The following NRXN3 variants were observed in gnomAD, a reference collection of about 807,000 sequenced individuals.
The protein encoded by NRXN3 is neurexin III.
NRXN3 carries 32 observed loss-of-function variants against 137.6 expected under a neutral mutation model. That is an observed-to-expected ratio of 0.23 (90% CI 0.18 to 0.31). The LOEUF (loss-of-function observed/expected upper bound fraction) is 0.31. NRXN3 is among the 10% of genes least tolerant of loss of function. The pLI is 1.00. For missense variants in NRXN3, 1,574 were observed against 2,062.5 expected (o/e 0.76, Z 4.59); for synonymous variants, 798 against 784.5 (o/e 1.02, Z -0.29).
At chr14:78,579,851 G>C (rs914434535) in intron 4 of NRXN3, among the ~76,000 whole-genome samples, 8 of 152,202 alleles carry the variant, frequency 5.3e-5, no homozygotes, top group African/African-American at 1.9e-4. Flanking sequence ...TTGTGAACAG[G>C]GCATTGCCTG....
chr14:79,816,488 A>G, intron 20 of NRXN3, among the ~76,000 whole-genome samples: 1 of 152,204 alleles, frequency 6.6e-6, no homozygotes, highest in East Asian at 1.9e-4. Flanking sequence ...AAATGCCACC[A>G]AAGTTATGAC....
At chr14:78,711,173 T>C (rs2098404075) in intron 7 of NRXN3, among the ~76,000 whole-genome samples, 1 of 151,604 alleles carries the variant, frequency 6.6e-6, no homozygotes, top group Admixed American at 6.6e-5. Context: ...GGTGGACGGG[T>C]TTTGTGTCTG....
intron 15 of NRXN3, among the ~76,000 whole-genome samples, chr14:79,358,277 T>C (rs1347946828): frequency 6.6e-6 from 1 of 152,044 alleles, no homozygotes; most frequent in Admixed American, 6.6e-5. Context: ...AAAGAAAGTG[T>C]CCTGGCCGGG....
chr14:79,818,828 C>T (rs1165165975), intron 20 of NRXN3, among the ~76,000 whole-genome samples: 1 of 152,152 alleles, frequency 6.6e-6, no homozygotes, highest in Non-Finnish European at 1.5e-5. Flanking sequence ...AATTTTAAAA[C>T]TGTGTTTGCT....
At chr14:79,433,534 T>A (rs551633095) in intron 15 of NRXN3, among the ~76,000 whole-genome samples, 1 of 152,250 alleles carries the variant, frequency 6.6e-6, no homozygotes, top group Non-Finnish European at 1.5e-5. Flanking sequence ...AATACTTAGG[T>A]AAATAGCAGT....
intron 1 of NRXN3, among the ~76,000 whole-genome samples, chr14:78,234,780 C>T (rs941668754): frequency 1.3e-5 from 2 of 151,116 alleles, no homozygotes; most frequent in Admixed American, 6.6e-5. Flanking sequence ...ATGTCTGGAA[C>T]ATGGGTGCTC....
chr14:78,241,406 G>A (rs536417119), intron 1 of NRXN3, among the ~76,000 whole-genome samples: 2 of 152,242 alleles, frequency 1.3e-5, no homozygotes, highest in Non-Finnish European at 1.5e-5. Flanking sequence ...TAGATGGGGA[G>A]ATCAGAAGTT....
At chr14:78,471,801 G>A (rs1230891846) in intron 4 of NRXN3, among the ~76,000 whole-genome samples, 1 of 152,196 alleles carries the variant, frequency 6.6e-6, no homozygotes, top group Non-Finnish European at 1.5e-5. Flanking sequence ...CAGAGAGGGT[G>A]AAACAATGCA....
intron 15 of NRXN3, among the ~76,000 whole-genome samples, chr14:79,048,234 A>G (rs567221995): frequency 6.6e-6 from 1 of 152,344 alleles, no homozygotes; most frequent in South Asian, 2.1e-4. Flanking sequence ...GTGTTATTAC[A>G]GAAAACAATA....
chr14:78,335,497 G>A (rs867780778), intron 4 of NRXN3, among the ~76,000 whole-genome samples: 6 of 152,218 alleles, frequency 3.9e-5, no homozygotes, highest in South Asian at 2.1e-4. Flanking sequence ...CACCTGGCAG[G>A]TGTTTAGTAA....
chr14:78,585,037 T>A (rs749066453), intron 4 of NRXN3, among the ~76,000 whole-genome samples: 2 of 151,742 alleles, frequency 1.3e-5, no homozygotes, highest in African/African-American at 2.4e-5. Flanking sequence ...TGGGGTTGAT[T>A]TCCTATTTGA....
chr14:78,442,347 A>G (rs1276671924), intron 4 of NRXN3, among the ~76,000 whole-genome samples: 3 of 152,034 alleles, frequency 2.0e-5, no homozygotes, highest in African/African-American at 7.2e-5. Context: ...TGATATGAAG[A>G]TGGAGACAGA....
At chr14:79,291,509 C>T (rs2153460186) in intron 15 of NRXN3, among the ~76,000 whole-genome samples, 1 of 151,640 alleles carries the variant, frequency 6.6e-6, no homozygotes, top group East Asian at 2.0e-4. Context: ...GCATAGCCAC[C>T]ATGCCCAGCC....
intron 10 of NRXN3, among the ~76,000 whole-genome samples, chr14:78,847,404 C>T (rs1166687664): frequency 6.6e-6 from 1 of 152,030 alleles, no homozygotes; most frequent in Non-Finnish European, 1.5e-5. Context: ...ATGGCCTTTC[C>T]CCAGCACTTA....
intron 16 of NRXN3, among the ~76,000 whole-genome samples, chr14:79,472,522 TA>T (rs2096523248): frequency 6.6e-6 from 1 of 152,226 alleles, no homozygotes; most frequent in Non-Finnish European, 1.5e-5. Context: ...AATTTTGAAT[TA>T]AGCATGTTTG....
At chr14:79,032,274 C>T (rs1182807650) in intron 15 of NRXN3, among the ~76,000 whole-genome samples, 1 of 152,152 alleles carries the variant, frequency 6.6e-6, no homozygotes, top group African/African-American at 2.4e-5. Flanking sequence ...AATTCAATTA[C>T]ATTCAATCAA....
chr14:79,323,818 A>G (rs1290223350), intron 15 of NRXN3, among the ~76,000 whole-genome samples: 1 of 152,152 alleles, frequency 6.6e-6, no homozygotes, highest in African/African-American at 2.4e-5. Flanking sequence ...AGATTGCGCC[A>G]CTGCACTACA....
At chr14:79,658,554 A>G (rs1194732282) in intron 16 of NRXN3, among the ~76,000 whole-genome samples, 1 of 152,148 alleles carries the variant, frequency 6.6e-6, no homozygotes, top group African/African-American at 2.4e-5. Flanking sequence ...ATCAGTTAAC[A>G]CTGTTCTCTT....
intron 15 of NRXN3, among the ~76,000 whole-genome samples, chr14:79,159,177 C>G (rs2199793): frequency 0.082 from 12,514 of 151,912 alleles, 793 homozygotes; most frequent in Admixed American, 0.22. Flanking sequence ...GACCTTTGTT[C>G]TTGACTAATC....
Sources: allele counts gnomAD v4.1 joint callset (sites outside exome capture counted in the v4.1 genomes callset), GRCh38; gene constraint gnomAD v4.1.1; transcripts MANE v1.5; gene names NCBI Gene and HGNC (gene_info 2026-07-23, HGNC 2026-07-21).